The following RIC8A variants were observed in gnomAD, a reference collection of about 807,000 sequenced individuals.
RIC8A encodes the protein RIC8 guanine nucleotide exchange factor A, also known as chaperone Ric-8A.
Under a neutral mutation model 48.4 loss-of-function variants are expected in RIC8A, and 37 were observed. The observed-to-expected ratio is 0.77, with a 90% CI of 0.59 to 1.01. The LOEUF (loss-of-function observed/expected upper bound fraction) is 1.01, where lower values mean the gene tolerates loss of function less well. Ranked by LOEUF, RIC8A falls within the 50% of genes least tolerant of loss-of-function variation. RIC8A has a pLI of 0.00. For synonymous variants in RIC8A, 288 were observed against 283.4 expected (o/e 1.02, Z -0.16); for missense variants, 681 against 696.8 (o/e 0.98, Z 0.25).
chr11:210,267 C>T (rs745810288), intron 3 of RIC8A: 91 of 674,814 alleles, frequency 1.3e-4, no homozygotes, highest in Non-Finnish European at 2.0e-4. Flanking sequence ...GATCCTCCAC[C>T]ATGAGGCTGT....
chr11:214,241 T>C lies in RIC8A; in HGVS notation c.1487T>C (p.Ile496Thr), dbSNP rs1193823270. The C allele has an allele frequency of 1.2e-6, 2 of 1,613,726 alleles. No individual in the cohort carries two copies. The highest frequency in any genetic ancestry group is 1.7e-6 in the Non-Finnish European group (2 of 1,179,886). ...CCTTTCCCCAACAGGAACAGAGTCATCCAGCCAATGGGGATGAGTCCCCGG... is the reference window on the plus strand; with the variant it reads ...CCTTTCCCCAACAGGAACAGAGTCACCCAGCCAATGGGGATGAGTCCCCGG... ...MFDKLSRNRV[I>T]QPMGMSPRGH... Residue 496 changes from isoleucine (I) to threonine (T), a missense_variant, in exon 10 of 10, where the codon ATC (isoleucine) becomes ACC (threonine). Transcript: ENST00000526104.
chr11:210,299 T>G, intron 3 of RIC8A: 1 of 692,476 alleles, frequency 1.4e-6, no homozygotes, highest in Non-Finnish European at 2.6e-6. Flanking sequence ...AGACAGAGTG[T>G]GACTTCATCC....
chr11:212,360 G>T, intron 5 of RIC8A, 56 bp from the exon 6 acceptor site: 1 of 1,545,148 alleles, frequency 6.5e-7, no homozygotes, highest in Non-Finnish European at 8.9e-7. Context: ...GTGTAACTCT[G>T]TGCCAGTCAC....
chr11:212,659 G>A lies in RIC8A; in HGVS notation c.1110G>A (p.Gly370=). The A allele has an allele frequency of 1.2e-6, 2 of 1,614,096 alleles. No individual in the cohort carries two copies. Among genetic ancestry groups the A allele is most frequent in the Non-Finnish European group, 1.7e-6 (2 of 1,180,020 alleles). ...ATGTGAGGACACGGCCTGAGGTTGGGGAGATGCTGCGGAACAAGCTTGTCC... is the reference window on the plus strand; with the variant it reads ...ATGTGAGGACACGGCCTGAGGTTGGAGAGATGCTGCGGAACAAGCTTGTCC... ...LRDVRTRPEV[G]EMLRNKLVRL... is the part of the protein sequence containing the mutation. The change falls in exon 7 of 10, where the codon GGG becomes GGA. Residue 370 remains glycine, a synonymous_variant. Transcript: ENST00000526104.
chr11:211,543 G>A lies in RIC8A; in HGVS notation c.969+194G>A. On this transcript the variant is annotated intron_variant, in intron 5 of 9. Coordinates refer to ENST00000526104, the MANE Select transcript of RIC8A (RefSeq NM_001286134.2). The surrounding 1 kb of genome is among the most constrained non-coding windows in gnomAD (Gnocchi z 4.0). ...CAGACCCTTCCTCCATGAGAAGCAT[G>A]TGGACACCTTCCACACACTTGAAGG... is the stretch of plus-strand genomic sequence containing the variant. 1 of 561,086 alleles carries A rather than the reference G, an allele frequency of 1.8e-6. No homozygotes were observed. The allele number at this position is 561,086 out of a possible 1,614,324, so 34.8% of individuals were successfully genotyped here. A position where few individuals can be genotyped will look rare whatever the true frequency, so the allele number is the denominator to read the frequency against.
In RIC8A at chr11:214,767, G is replaced by C. The variant is rs781230772; in HGVS notation, c.*417G>C. ...TGGCAGAGCCAGTGTGTTGGGGTAT[G>C]TGCTGCACTTCCCAGGGAGAAAACC... On this transcript the variant is annotated 3_prime_UTR_variant, in exon 10 of 10. Coordinates refer to ENST00000526104, the MANE Select transcript of RIC8A (RefSeq NM_001286134.2). 3 of 347,692 alleles carry C rather than the reference G, an allele frequency of 8.6e-6. No homozygotes were observed. The highest frequency in any genetic ancestry group is 1.1e-5 in the Non-Finnish European group (2 of 178,202). 21.5% of individuals were successfully genotyped at this position (347,692 alleles called of 1,614,324 possible).
chr11:209,739 C>T lies in RIC8A; in HGVS notation c.465C>T (p.Ser155=), dbSNP rs1398878837. 6.2e-7 allele frequency: 1 copy of T among 1,613,936 alleles called. No individual in the cohort carries two copies. The highest frequency in any genetic ancestry group is 8.5e-7 in the Non-Finnish European group (1 of 1,180,030). Residue 155 remains serine, a synonymous_variant, in exon 3 of 10, where the codon AGC becomes AGT. Transcript: ENST00000526104. ...TERVGLYRER[S]FPHDVQFFDL... is the part of the protein sequence containing the mutation. The stretch of plus-strand genomic sequence containing the variant: ...GTGTGGGGCTGTACCGTGAGAGGAG[C>T]TTCCCCCACGATGTCCAGTTCTTTG...
chr11:209,459 A>G lies in RIC8A; in HGVS notation c.185A>G (p.His62Arg). 6.2e-7 allele frequency: 1 copy of G among 1,605,648 alleles called. No individual in the cohort carries two copies. The highest frequency in any genetic ancestry group is 8.5e-7 in the Non-Finnish European group (1 of 1,173,232). ...SVLEQGLPPS[H>R]RVIWLQSVRI... is the part of the protein sequence containing the mutation. Reference sequence around the variant, plus strand: ...CTGGAACAGGGCTTGCCACCCTCCCACCGTGTCATCTGGCTGCAGAGTGTC... The same window carrying G: ...CTGGAACAGGGCTTGCCACCCTCCCGCCGTGTCATCTGGCTGCAGAGTGTC... Residue 62 changes from histidine (H) to arginine (R), a missense_variant, in exon 3 of 10, where the codon CAC becomes CGC. By Grantham distance (29) the His-to-Arg change is conservative. Coordinates refer to ENST00000526104, the MANE Select transcript of RIC8A (RefSeq NM_001286134.2).
chr11:208,603 G>A lies in RIC8A; in HGVS notation c.-252G>A, dbSNP rs1855248166. On this transcript the variant is annotated 5_prime_UTR_variant, in exon 1 of 10. Coordinates refer to ENST00000526104, the MANE Select transcript of RIC8A (RefSeq NM_001286134.2). The surrounding 1 kb of genome is among the most constrained non-coding windows in gnomAD (Gnocchi z 4.8). ...CAAGAAGCGCGGGTCACAAGGAGAG[G>A]GGTCAGTTCGGTTCAGAGCGACTCA... 1 of 401,334 alleles carries A rather than the reference G, an allele frequency of 2.5e-6. No homozygotes were observed. Among genetic ancestry groups the A allele is most frequent in the Non-Finnish European group, 4.4e-6 (1 of 226,808 alleles). The allele number at this position is 401,334 out of a possible 1,614,324, so 24.9% of individuals were successfully genotyped here.
In RIC8A at chr11:211,452, G is replaced by A. The variant is rs1855355223; in HGVS notation, c.969+103G>A. 1 of 1,272,672 alleles carries A rather than the reference G, an allele frequency of 7.9e-7. No individual in the cohort carries two copies. Among genetic ancestry groups the A allele is most frequent in the East Asian group, 2.5e-5 (1 of 40,692 alleles). 78.8% of individuals were successfully genotyped at this position (1,272,672 alleles called of 1,614,324 possible). A position where few individuals can be genotyped will look rare whatever the true frequency, so the allele number is the denominator to read the frequency against. ...CACACTGTCCACACTGGTACGTGGA[G>A]ATTGTCTTGGTGGTGTGATATGGGC... On this transcript the variant is annotated intron_variant, in intron 5 of 9. Coordinates refer to ENST00000526104, the MANE Select transcript of RIC8A (RefSeq NM_001286134.2). The surrounding 1 kb of genome is among the most constrained non-coding windows in gnomAD (Gnocchi z 4.0).
chr11:212,658 G>C lies in RIC8A; in HGVS notation c.1109G>C (p.Gly370Ala). ...GATGTGAGGACACGGCCTGAGGTTG[G>C]GGAGATGCTGCGGAACAAGCTTGTC... ...LRDVRTRPEV[G>A]EMLRNKLVRL... The change falls in exon 7 of 10, where the codon GGG becomes GCG. Residue 370 changes from glycine to alanine, a missense_variant. Gly to Ala is a moderately conservative substitution (Grantham distance 60). Coordinates refer to ENST00000526104, the MANE Select transcript of RIC8A (RefSeq NM_001286134.2). The C allele has an allele frequency of 6.2e-7, 1 of 1,614,086 alleles. No homozygotes were observed. Among genetic ancestry groups the C allele is most frequent in the East Asian group, 2.2e-5 (1 of 44,884 alleles).
rs1855259955 is a variant in RIC8A, at chr11:208,817, G to C, written c.-38G>C. ...GGGCCGGCGAACTGCGGCCCGGAACGGCTGAGGAAGGGCCCGTCCCGCCTT... is the reference window on the plus strand; with the variant it reads ...GGGCCGGCGAACTGCGGCCCGGAACCGCTGAGGAAGGGCCCGTCCCGCCTT... On this transcript the variant is annotated 5_prime_UTR_variant, in exon 1 of 10. Transcript: ENST00000526104. The surrounding 1 kb of genome is among the most constrained non-coding windows in gnomAD (Gnocchi z 4.8). 1.9e-6 allele frequency: 3 copies of C among 1,570,102 alleles called. No homozygotes were observed. The highest frequency in any genetic ancestry group is 1.7e-6 in the Non-Finnish European group (2 of 1,153,698).
Position 211,024 on chromosome 11 carries a change from C to T in RIC8A, c.819-175C>T. The T allele has an allele frequency of 1.5e-6, 1 of 670,828 alleles. No individual in the cohort carries two copies. The highest frequency in any genetic ancestry group is 2.5e-6 in the Non-Finnish European group (1 of 394,066). 41.6% of individuals were successfully genotyped at this position (670,828 alleles called of 1,614,324 possible). ...CACTTCCCCAGGGGACCCCACTGTA[C>T]AGCTGAGTGGCAGTGCCTCTCAGAT... On this transcript the variant is annotated intron_variant, in intron 4 of 9. Transcript: ENST00000526104. The surrounding 1 kb of genome is among the most constrained non-coding windows in gnomAD (Gnocchi z 4.0).
rs1438345819 is a variant in RIC8A, at chr11:212,740, T to G, written c.1191T>G (p.Phe397Leu). The change falls in exon 7 of 10, where the codon TTT (phenylalanine) becomes TTG (leucine). Residue 397 changes from phenylalanine to leucine, a missense_variant. By Grantham distance (22) the Phe-to-Leu change is conservative. Coordinates refer to ENST00000526104, the MANE Select transcript of RIC8A (RefSeq NM_001286134.2). ...AGAGGGTGGCTGCCGAGTTCTTGTT[T>G]GTCCTGTGCTCTGAGAGTGGTGAGT... Reference protein sequence around the residue: ...DVKRVAAEFLFVLCSESVPRF... With the variant: ...DVKRVAAEFLLVLCSESVPRF... The G allele has an allele frequency of 6.2e-7, 1 of 1,614,104 alleles. No individual in the cohort carries two copies. The highest frequency in any genetic ancestry group is 1.3e-5 in the African/African-American group (1 of 75,044).
Position 208,482 on chromosome 11 carries a change from T to C in RIC8A, c.-373T>C. 5.0e-6 allele frequency: 1 copy of C among 199,884 alleles called. No homozygotes were observed. Among genetic ancestry groups the C allele is most frequent in the Non-Finnish European group, 1.0e-5 (1 of 100,426 alleles). 12.4% of individuals were successfully genotyped at this position (199,884 alleles called of 1,614,324 possible). A position where few individuals can be genotyped will look rare whatever the true frequency, so the allele number is the denominator to read the frequency against. On this transcript the variant is annotated 5_prime_UTR_variant, in exon 1 of 10. Coordinates refer to ENST00000526104, the MANE Select transcript of RIC8A (RefSeq NM_001286134.2). This position sits in a 1 kb window ranked among gnomAD's most constrained non-coding sequence, Gnocchi z 4.8. ...TCCTTTCCACTTCGGCTTTCCCCTC[T>C]ACATCCCATCGGTTCTGTGGAGCTC...
intron 5 of RIC8A, chr11:212,103 C>A: frequency 2.7e-6 from 1 of 367,330 alleles, no homozygotes; most frequent in Non-Finnish European, 5.2e-6. Context: ...GCTTTAATTG[C>A]TTTGTGTTTT....
chr11:209,030 C>A, intron 1 of RIC8A, 92 bp downstream of exon 1: 1 of 1,215,428 alleles, frequency 8.2e-7, no homozygotes, highest in Non-Finnish European at 1.2e-6. Flanking sequence ...GAGGCAGAGG[C>A]TGTGTCAGCA....
intron 1 of RIC8A, 102 bp from the exon 2 acceptor site, chr11:209,169 G>T: frequency 1.4e-6 from 2 of 1,399,102 alleles, no homozygotes; most frequent in South Asian, 2.3e-5. Flanking sequence ...CATCCGTTCT[G>T]AGCAGTGGCT....
intron 4 of RIC8A, chr11:210,878 G>A: frequency 3.3e-6 from 2 of 610,142 alleles, no homozygotes; most frequent in South Asian, 4.0e-5. Flanking sequence ...TACTTACTAG[G>A]GCACATTGGT....
Sources: allele counts gnomAD v4.1 joint callset, GRCh38; gene constraint gnomAD v4.1.1; non-coding constraint Gnocchi (gnomAD v3.1); transcripts MANE v1.5; gene names NCBI Gene and HGNC (gene_info 2026-07-23, HGNC 2026-07-21).